The following SCTR variants were observed in gnomAD, a reference collection of about 807,000 sequenced individuals.
SCTR encodes the protein pancreatic secretin receptor.
In SCTR, 56 loss-of-function variants were observed where a neutral mutation model predicts 60.8. The ratio of observed to expected loss-of-function variants is 0.92; its 90% confidence interval spans 0.74 to 1.15. SCTR has a LOEUF of 1.15. SCTR is among the 50% of genes most tolerant of loss of function. The pLI, the probability that SCTR is intolerant of heterozygous loss-of-function variation, is 0.00. For missense variants in SCTR, 562 were observed against 550.4 expected, an observed-to-expected ratio of 1.02 and a Z score of -0.21; for synonymous variants, 202 against 217.0, an observed-to-expected ratio of 0.93 and a Z score of 0.61.
At chr2:119,517,207 T>G (rs61560915) in intron 1 of SCTR, among the ~76,000 whole-genome samples, 1 of 151,892 alleles carries the variant, frequency 6.6e-6, no homozygotes, top group East Asian at 1.9e-4. Flanking sequence ...TCACCCAGGC[T>G]GGAGTGCAGT....
chr2:119,456,121 A>G (rs1289403598), intron 7 of SCTR, among the ~76,000 whole-genome samples: 1 of 138,344 alleles, frequency 7.2e-6, no homozygotes, highest in African/African-American at 2.8e-5. Context: ...GCTGGAGTGC[A>G]GTGGTCTCAG....
rs113530726 is a variant in SCTR at position 119,446,454 on chromosome 2, C to T, written c.1140+305G>A. On this transcript the variant is annotated intron_variant, in intron 11 of 12. Transcript: ENST00000019103. ...TTGATGACTTGGCCATCCGCGCTTA[C>T]GTTATTTTGACCATGTATATGTTAT... Among the ~76,000 whole-genome samples the T allele has an allele frequency of 5.9e-3, 896 of 152,272 alleles. 4 individuals are homozygous for T. The highest frequency in any genetic ancestry group is 0.02 in the African/African-American group (823 of 41,548).
intron 1 of SCTR, among the ~76,000 whole-genome samples, chr2:119,503,818 T>C (rs1678640816): frequency 6.6e-6 from 1 of 152,186 alleles, no homozygotes; most frequent in Non-Finnish European, 1.5e-5. Context: ...TGTATCAACA[T>C]AAGCTCAGCA....
intron 1 of SCTR, among the ~76,000 whole-genome samples, chr2:119,507,159 G>A (rs570593393): frequency 6.6e-6 from 1 of 152,272 alleles, no homozygotes; most frequent in Non-Finnish European, 1.5e-5. Context: ...AAAGTATGTT[G>A]AGTCCATTTA....
At chr2:119,472,667 T>A (rs555415394) in intron 4 of SCTR, among the ~76,000 whole-genome samples, 29 of 152,218 alleles carry the variant, frequency 1.9e-4, no homozygotes, top group Admixed American at 1.2e-3. Context: ...CAGGGCTCAA[T>A]CCTGTCCTCC....
At chr2:119,484,599 A>G (rs972581147) in intron 2 of SCTR, 1 of 142,986 alleles carries the variant, frequency 7.0e-6, no homozygotes, top group African/African-American at 2.6e-5. Context: ...TTTTGAGAGA[A>G]TTAAATGATA....
chr2:119,497,421 C>T (rs951298476), intron 1 of SCTR, among the ~76,000 whole-genome samples: 7 of 151,672 alleles, frequency 4.6e-5, no homozygotes. Context: ...ATGAAAATGT[C>T]TATCTTTCAT....
At chr2:119,459,050 C>T (rs986764473) in intron 7 of SCTR, among the ~76,000 whole-genome samples, 5 of 152,218 alleles carry the variant, frequency 3.3e-5, no homozygotes, top group African/African-American at 4.8e-5. Context: ...CTTAAACGTG[C>T]TCACTCCTTT....
At chr2:119,477,954 A>G (rs1677409324) in intron 3 of SCTR, among the ~76,000 whole-genome samples, 1 of 152,180 alleles carries the variant, frequency 6.6e-6, no homozygotes, top group Admixed American at 6.5e-5. Context: ...GTGTGTGTGC[A>G]CACATGTGCG....
At chr2:119,440,280 G>A (rs752753478) in intron 12 of SCTR, 23 bp from the exon 13 acceptor site, 1 of 1,605,746 alleles carries the variant, frequency 6.2e-7, no homozygotes, top group Non-Finnish European at 8.5e-7. Flanking sequence ...CCAGCCATCA[G>A]CCCAGGAGGA....
chr2:119,494,618 G>C, intron 1 of SCTR, 70 bp from the exon 2 acceptor site: 1 of 1,507,474 alleles, frequency 6.6e-7, no homozygotes, highest in Admixed American at 1.7e-5. Flanking sequence ...GGAGAATGGG[G>C]CAAGACAATG....
Position 119,460,643 on chromosome 2 carries a change from G to A in SCTR, c.790+1204C>T, listed in dbSNP as rs568236171. On this transcript the variant is annotated intron_variant, in intron 7 of 12. Coordinates refer to ENST00000019103, the MANE Select transcript of SCTR (RefSeq NM_002980.3). ...TTGCTACGATGATTAAATGATACAT[G>A]TAAAGTGCTGAATCCAATGCCTGGC... 4.5e-4 allele frequency among the ~76,000 whole-genome samples: 68 copies of A among 152,306 alleles called. 1 individual carries two copies. Among genetic ancestry groups the A allele is most frequent in the Admixed American group, 3.9e-3 (59 of 15,286 alleles).
At position 119,524,340 on chromosome 2, in the gene SCTR, C is replaced by G. The variant is rs930033061; in HGVS notation, c.-114G>C. The G allele has an allele frequency of 2.1e-5, 14 of 661,870 alleles. No individual in the cohort carries two copies. The South Asian group carries it at 2.1e-4, about 10-fold the overall frequency. 41.0% of individuals were successfully genotyped at this position (661,870 alleles called of 1,614,324 possible). Reference sequence around the variant, plus strand: ...CGGGCTCCGGCCGGCCGCTGCGCCCCGAGGAGCCATGGCTGAGCCACCCGA... The same window carrying G: ...CGGGCTCCGGCCGGCCGCTGCGCCCGGAGGAGCCATGGCTGAGCCACCCGA... On this transcript the variant is annotated 5_prime_UTR_variant, in exon 1 of 13. Coordinates refer to ENST00000019103, the MANE Select transcript of SCTR (RefSeq NM_002980.3).
chr2:119,466,029 A>G (rs773165977), intron 4 of SCTR, 143 bp from the exon 5 acceptor site: 1 of 620,972 alleles, frequency 1.6e-6, no homozygotes, highest in Admixed American at 2.5e-5. Context: ...TCACAGACAC[A>G]TAACACCGTA....
At chr2:119,499,737 T>C (rs904195094) in intron 1 of SCTR, among the ~76,000 whole-genome samples, 3 of 151,974 alleles carry the variant, frequency 2.0e-5, no homozygotes, top group African/African-American at 7.2e-5. Context: ...TGTCCATTAA[T>C]GAAAAAACTC....
chr2:119,508,270 G>T (rs1412194563), intron 1 of SCTR, among the ~76,000 whole-genome samples: 1 of 151,930 alleles, frequency 6.6e-6, no homozygotes, highest in Admixed American at 6.6e-5. Context: ...TGTTCTGCTG[G>T]ACTAAGAGGA....
intron 2 of SCTR, chr2:119,479,920 A>G (rs925342693): frequency 1.3e-5 from 2 of 152,230 alleles, no homozygotes; most frequent in African/African-American, 4.8e-5. Flanking sequence ...GGTGTTTTCA[A>G]TGCAAAACTA....
intron 7 of SCTR, among the ~76,000 whole-genome samples, chr2:119,458,505 G>A (rs1418885793): frequency 6.6e-6 from 1 of 151,976 alleles, no homozygotes; most frequent in Non-Finnish European, 1.5e-5. Flanking sequence ...GGAGGCTGAG[G>A]CAGGAGAATG....
intron 6 of SCTR, among the ~76,000 whole-genome samples, chr2:119,463,214 T>C (rs11891084): frequency 0.14 from 21,662 of 152,262 alleles, 1,766 homozygotes; most frequent in East Asian, 0.3. Context: ...TAAAAAACTC[T>C]ATCACCCTGC....
Sources: allele counts gnomAD v4.1 joint callset (sites outside exome capture counted in the v4.1 genomes callset), GRCh38; gene constraint gnomAD v4.1.1; transcripts MANE v1.5; gene names NCBI Gene and HGNC (gene_info 2026-07-23, HGNC 2026-07-21).